Variants in CALCR observed in about 807,000 individuals in gnomAD.
The protein encoded by CALCR is calcitonin receptor.
In CALCR, 47 loss-of-function variants were observed where a neutral mutation model predicts 59.5. The observed-to-expected ratio is 0.79, with a 90% CI of 0.63 to 1.01. The LOEUF (loss-of-function observed/expected upper bound fraction) is 1.01, where lower values mean the gene tolerates loss of function less well. Among genes scored for constraint, CALCR ranks in the 50% least tolerant of loss-of-function variants. The pLI, the probability that CALCR is intolerant of heterozygous loss-of-function variation, is 0.00. For synonymous variants in CALCR, 213 were observed against 211.3 expected, an observed-to-expected ratio of 1.01 and a Z score of -0.07; for missense variants, 566 against 597.1, an observed-to-expected ratio of 0.95 and a Z score of 0.54.
intron 2 of CALCR, among the ~76,000 whole-genome samples, chr7:93,522,745 A>G (rs188877105): frequency 4.3e-4 from 65 of 152,288 alleles, no homozygotes; most frequent in Admixed American, 7.9e-4. Flanking sequence ...GCTTCCTTCA[A>G]TTCCATCATG....
intron 9 of CALCR, 89 bp from the exon 10 acceptor site, chr7:93,438,359 A>C: frequency 1.1e-6 from 1 of 913,174 alleles, no homozygotes; most frequent in Admixed American, 1.8e-5. Flanking sequence ...GTACTTGCAA[A>C]AATACTGGCA....
chr7:93,466,709 C>T (rs775448343), intron 7 of CALCR, among the ~76,000 whole-genome samples: 12 of 151,740 alleles, frequency 7.9e-5, no homozygotes, highest in Non-Finnish European at 1.5e-4. Context: ...AACTGAGAGA[C>T]GGTAGGGCAA....
chr7:93,555,276 C>T (rs1019257522), intron 2 of CALCR, among the ~76,000 whole-genome samples: 2 of 152,216 alleles, frequency 1.3e-5, no homozygotes, highest in East Asian at 3.9e-4. Flanking sequence ...TTTATCTGAT[C>T]ATGCTCCAGC....
chr7:93,475,176 G>T (rs1800641256), intron 5 of CALCR, among the ~76,000 whole-genome samples: 2 of 151,552 alleles, frequency 1.3e-5, no homozygotes, highest in Non-Finnish European at 1.5e-5. Context: ...TAAACTGCAG[G>T]TTATAGAGTT....
chr7:93,501,803 G>A (rs1801326757), intron 2 of CALCR, among the ~76,000 whole-genome samples: 1 of 152,072 alleles, frequency 6.6e-6, no homozygotes, highest in Non-Finnish European at 1.5e-5. Context: ...AGCAGGATCT[G>A]TCGCTTTCCC....
chr7:93,557,923 C>T (rs1281208151), intron 2 of CALCR, among the ~76,000 whole-genome samples: 1 of 151,878 alleles, frequency 6.6e-6, no homozygotes, highest in Non-Finnish European at 1.5e-5. Context: ...TGTTTTGACC[C>T]TTGAAAAAGC....
At chr7:93,485,091 T>G (rs1034252494) in intron 3 of CALCR, among the ~76,000 whole-genome samples, 2 of 151,744 alleles carry the variant, frequency 1.3e-5, no homozygotes, top group Non-Finnish European at 3.0e-5. Flanking sequence ...CTCTGAGAAG[T>G]GTCAGTGTGA....
chr7:93,455,546 T>A (rs939339474), intron 8 of CALCR, among the ~76,000 whole-genome samples: 3 of 152,050 alleles, frequency 2.0e-5, no homozygotes, highest in Admixed American at 2.0e-4. Context: ...TTTCAAGTAA[T>A]TTTAAATATA....
chr7:93,550,077 TTAGAA>T (rs1428777371), intron 2 of CALCR, among the ~76,000 whole-genome samples: 9 of 152,232 alleles, frequency 5.9e-5, no homozygotes, highest in Non-Finnish European at 1.0e-4. Context: ...CTTTTTTTAT[TTAGAA>T]TAGAATATTT....
chr7:93,557,442 A>G (rs956304156), intron 2 of CALCR, among the ~76,000 whole-genome samples: 3 of 151,906 alleles, frequency 2.0e-5, no homozygotes, highest in Admixed American at 2.0e-4. Context: ...AATTTTTAGT[A>G]TGGTGCTTGG....
intron 2 of CALCR, among the ~76,000 whole-genome samples, chr7:93,557,218 T>C (rs928458585): frequency 3.3e-5 from 5 of 152,004 alleles, no homozygotes; most frequent in South Asian, 4.1e-4. Context: ...AGACTGCTTA[T>C]GTATAAAATG....
At chr7:93,546,240 C>T (rs1248297483) in intron 2 of CALCR, among the ~76,000 whole-genome samples, 1 of 152,166 alleles carries the variant, frequency 6.6e-6, no homozygotes, top group Non-Finnish European at 1.5e-5. Flanking sequence ...TACTAGCTCA[C>T]ACCTGTTGTC....
intron 2 of CALCR, among the ~76,000 whole-genome samples, chr7:93,539,127 T>A (rs1048989674): frequency 1.3e-5 from 2 of 152,154 alleles, no homozygotes; most frequent in African/African-American, 4.8e-5. Flanking sequence ...AGTTTTATTC[T>A]CACTCTCCTT....
intron 8 of CALCR, among the ~76,000 whole-genome samples, chr7:93,457,110 A>G (rs890411206): frequency 6.6e-6 from 1 of 152,172 alleles, no homozygotes; most frequent in Non-Finnish European, 1.5e-5. Flanking sequence ...AAGTGGAAAC[A>G]TCTAGCAATG....
At chr7:93,464,122 A>G (rs974550240) in intron 7 of CALCR, among the ~76,000 whole-genome samples, 1 of 151,942 alleles carries the variant, frequency 6.6e-6, no homozygotes, top group African/African-American at 2.4e-5. Flanking sequence ...AATCTTTCAC[A>G]TTTGTTTCAA....
At chr7:93,459,583 A>G (rs1800275411) in intron 8 of CALCR, among the ~76,000 whole-genome samples, 1 of 152,146 alleles carries the variant, frequency 6.6e-6, no homozygotes. Flanking sequence ...ACTTGGCAGC[A>G]CAGAAGAAAT....
intron 2 of CALCR, among the ~76,000 whole-genome samples, chr7:93,570,825 C>T (rs573548854): frequency 3.7e-4 from 56 of 152,198 alleles, no homozygotes; most frequent in African/African-American, 1.3e-3. Context: ...TTCCCTGAAA[C>T]ATTTTTTTTC....
chr7:93,520,410 C>G (rs367564528), intron 2 of CALCR, among the ~76,000 whole-genome samples: 23 of 152,178 alleles, frequency 1.5e-4, no homozygotes, highest in African/African-American at 5.3e-4. Context: ...TTCACTTATA[C>G]CACGATTTAA....
At chr7:93,462,801 A>C (rs765581620) in intron 7 of CALCR, among the ~76,000 whole-genome samples, 4 of 151,978 alleles carry the variant, frequency 2.6e-5, no homozygotes, top group Non-Finnish European at 4.4e-5. Context: ...CCTGAATAAA[A>C]TATACTTCCT....
Sources: gnomAD v4.1 joint callset for allele counts (sites outside exome capture counted in the v4.1 genomes callset) on GRCh38, gnomAD v4.1.1 for gene constraint, MANE v1.5 for transcripts, NCBI Gene and HGNC (gene_info 2026-07-23, HGNC 2026-07-21) for gene names.